The following CHD1 variants were observed in gnomAD, a reference collection of about 807,000 sequenced individuals.
CHD1 encodes chromodomain helicase DNA binding protein 1.
A neutral mutation model predicts 224.2 loss-of-function variants in CHD1; 36 were observed. The ratio of observed to expected loss-of-function variants is 0.16; its 90% CI spans 0.12 to 0.21. The LOEUF (loss-of-function observed/expected upper bound fraction) is 0.21, where lower values mean the gene tolerates loss of function less well. Among genes scored for constraint, CHD1 ranks in the 10% least tolerant of loss-of-function variants. CHD1 has a pLI of 1.00. For missense variants in CHD1, 1,378 were observed against 1,994.8 expected (o/e 0.69, Z 5.89); for synonymous variants, 668 against 658.3 (o/e 1.01, Z -0.23).
intron 14 of CHD1, among the ~76,000 whole-genome samples, 182 bp from the exon 15 acceptor site, chr5:98,892,895 T>C (rs1055590322): frequency 3.3e-5 from 5 of 152,136 alleles, no homozygotes; most frequent in African/African-American, 1.2e-4. Flanking sequence ...TGATGAAATA[T>C]AATTAGTTGT....
Position 98,888,068 on chromosome 5 carries a change from A to T in CHD1, c.2496+20T>A, listed in dbSNP as rs758910470. 4.0e-6 allele frequency: 6 copies of T among 1,490,034 alleles called. No homozygotes were observed. In the East Asian group the frequency reaches 7.0e-5, roughly 17 times the overall value. The allele number at this position is 1,490,034 out of a possible 1,614,324, so 92.3% of individuals were successfully genotyped here. A position where few individuals can be genotyped will look rare whatever the true frequency, so the allele number is the denominator to read the frequency against. ...GGAATTAGATAAAATTTAAAACAAC[A>T]AATACAATTAAATGCTTACTTGAAA... On this transcript the variant is annotated intron_variant, in intron 17 of 35. Transcript: ENST00000614616.
At chr5:98,894,546 A>G (rs1751226793) in intron 13 of CHD1, 51 bp downstream of exon 13, 13 of 661,164 alleles carry the variant, frequency 2.0e-5, no homozygotes, top group Non-Finnish European at 1.0e-5. Flanking sequence ...CATATGATAA[A>G]GAAAAAACTG....
chr5:98,888,966 TAA>T (rs1750829589), intron 16 of CHD1, 108 bp downstream of exon 16: 3 of 614,240 alleles, frequency 4.9e-6, no homozygotes, highest in East Asian at 2.9e-5. Flanking sequence ...CACCATTAAC[TAA>T]AGAGAACTTT....
intron 2 of CHD1, among the ~76,000 whole-genome samples, chr5:98,919,460 C>T (rs1028527060): frequency 1.3e-5 from 2 of 152,120 alleles, no homozygotes; most frequent in Non-Finnish European, 2.9e-5. Context: ...TGACTAGAAA[C>T]TTAAAGGCTA....
intron 31 of CHD1, among the ~76,000 whole-genome samples, chr5:98,865,388 G>C (rs919827973): frequency 6.6e-6 from 1 of 152,164 alleles, no homozygotes; most frequent in Admixed American, 6.5e-5. Flanking sequence ...AAATATAACG[G>C]TGTGACTTTA....
chr5:98,922,737 C>A (rs556484075), intron 2 of CHD1, among the ~76,000 whole-genome samples: 46 of 152,242 alleles, frequency 3.0e-4, no homozygotes, highest in Admixed American at 2.9e-3. Flanking sequence ...CCTGTAATCC[C>A]CAGTGCTTTG....
chr5:98,925,423 G>A (rs1753391267), intron 2 of CHD1, among the ~76,000 whole-genome samples: 1 of 152,102 alleles, frequency 6.6e-6, no homozygotes, highest in Non-Finnish European at 1.5e-5. Flanking sequence ...ATAAACAATA[G>A]TTTAATCCCC....
intron 7 of CHD1, 96 bp downstream of exon 7, chr5:98,900,715 G>A: frequency 9.2e-7 from 1 of 1,086,590 alleles, no homozygotes; most frequent in Non-Finnish European, 1.3e-6. Flanking sequence ...GCCCCCCAAA[G>A]TACTGGGATT....
At chr5:98,907,532 G>A (rs538421628) in intron 2 of CHD1, among the ~76,000 whole-genome samples, 1 of 141,444 alleles carries the variant, frequency 7.1e-6, no homozygotes, top group South Asian at 2.2e-4. Context: ...AGGTTGCAGT[G>A]AGCCAAGTTC....
chr5:98,909,746 A>G (rs1204019210), intron 2 of CHD1, among the ~76,000 whole-genome samples: 1 of 152,206 alleles, frequency 6.6e-6, no homozygotes, highest in African/African-American at 2.4e-5. Context: ...AGCATCCTTC[A>G]AAGTAGACCA....
chr5:98,911,146 A>ATAT (rs1554081078), intron 2 of CHD1, among the ~76,000 whole-genome samples: 439 of 39,026 alleles, frequency 0.011, 6 homozygotes, highest in Middle Eastern at 0.048. Context: ...AAAAAAAAAA[A>ATAT]ATATATATAT....
intron 28 of CHD1, among the ~76,000 whole-genome samples, chr5:98,871,145 G>A (rs1485687553): frequency 6.6e-6 from 1 of 151,604 alleles, no homozygotes; most frequent in Admixed American, 6.6e-5. Context: ...TCCCTTCTCA[G>A]TAAAAGTGTA....
chr5:98,902,340 T>A (rs1472957493), intron 5 of CHD1, among the ~76,000 whole-genome samples: 3 of 151,972 alleles, frequency 2.0e-5, no homozygotes, highest in Non-Finnish European at 4.4e-5. Context: ...AAATCTAATA[T>A]GCAGAATATC....
In CHD1 at chr5:98,905,057, G is replaced by C. The variant is rs199647054; in HGVS notation, c.95C>G (p.Ser32Cys). The C allele has an allele frequency of 2.8e-5, 44 of 1,599,864 alleles. No homozygotes were observed. The highest frequency in any genetic ancestry group is 3.6e-5 in the Non-Finnish European group (42 of 1,167,026). Residue 32 changes from serine (S) to cysteine (C), a missense_variant, in exon 3 of 36, where the codon TCT becomes TGT. By Grantham distance (112) the Ser-to-Cys change is moderately radical (BLOSUM62 -1). Around this residue, in one of 16 missense-constraint regions of CHD1, gnomAD observed 306 missense variants for 298.1 expected, o/e 1.03. Transcript: ENST00000614616. The stretch of plus-strand genomic sequence containing the variant: ...ACTACTGCTTCCAGAACTCGAACCA[G>C]ATCCAGAGCCTGAAGCTGACCCAGA... ...DDSGSASGSG[S>C]GSSSGSSSDG...
rs565311676 is a variant in CHD1 at position 98,883,696 on chromosome 5, G to C, written c.2569-459C>G. On this transcript the variant is annotated intron_variant, in intron 18 of 35. Coordinates refer to ENST00000614616, the MANE Select transcript of CHD1 (RefSeq NM_001270.4). Reference sequence around the variant, plus strand: ...CACAATTTGCAACTGCAACAATGTGGAACCAGCCCAAACGCCCATCAATCA... The same window carrying C: ...CACAATTTGCAACTGCAACAATGTGCAACCAGCCCAAACGCCCATCAATCA... Among the ~76,000 whole-genome samples the C allele has an allele frequency of 3.3e-5, 5 of 151,364 alleles. No individual in the cohort carries two copies. The East Asian group carries it at 9.7e-4, about 29-fold the overall frequency.
intron 16 of CHD1, 121 bp downstream of exon 16, chr5:98,888,955 G>T (rs1750828829): frequency 7.6e-6 from 4 of 525,722 alleles, no homozygotes; most frequent in South Asian, 4.1e-5. Context: ...TTATAGAAAG[G>T]CACCATTAAC....
Position 98,881,083 on chromosome 5 carries a change from T to G in CHD1, c.3053A>C (p.Gln1018Pro). ...PLTVGDELLS[Q>P]FKVANFSNMD... Reference sequence around the variant, plus strand: ...AATTTTGTTTAAATCTACCTTGAACTGGGAAAGCAATTCATCTCCTACAGT... The same window carrying G: ...AATTTTGTTTAAATCTACCTTGAACGGGGAAAGCAATTCATCTCCTACAGT... The change falls in exon 22 of 36, where the codon CAG (glutamine) becomes CCG (proline). Residue 1018 changes from glutamine to proline, a missense_variant. By Grantham distance (76) the Gln-to-Pro change is moderately conservative. Coordinates refer to ENST00000614616, the MANE Select transcript of CHD1 (RefSeq NM_001270.4). 6.2e-7 allele frequency: 1 copy of G among 1,604,716 alleles called. No individual in the cohort carries two copies. The highest frequency in any genetic ancestry group is 8.5e-7 in the Non-Finnish European group (1 of 1,173,216).
chr5:98,882,322 C>T (rs1436939130), intron 19 of CHD1, among the ~76,000 whole-genome samples, 199 bp from the exon 20 acceptor site: 1 of 150,456 alleles, frequency 6.6e-6, no homozygotes, highest in Non-Finnish European at 1.5e-5. Flanking sequence ...CTATATCCTT[C>T]CTTCCTTCTT....
chr5:98,874,781 T>C (rs1194641349), intron 25 of CHD1, among the ~76,000 whole-genome samples: 1 of 151,916 alleles, frequency 6.6e-6, no homozygotes, highest in Non-Finnish European at 1.5e-5. Context: ...GTGCTACTTT[T>C]AAGTTATTGA....
Sources: allele counts gnomAD v4.1 joint callset (sites outside exome capture counted in the v4.1 genomes callset), GRCh38; gene constraint gnomAD v4.1.1; regional missense constraint gnomAD v4.1.1; transcripts MANE v1.5; gene names NCBI Gene and HGNC (gene_info 2026-07-23, HGNC 2026-07-21).